The following CA10 variants were observed in gnomAD, a reference collection of about 807,000 sequenced individuals.
CA10 encodes carbonic anhydrase-related protein 10.
CA10 carries 14 observed loss-of-function variants against 44.2 expected under a neutral mutation model. The ratio of observed to expected loss-of-function variants is 0.32; its 90% CI spans 0.21 to 0.50. The LOEUF (loss-of-function observed/expected upper bound fraction) is 0.50. CA10 is among the 20% of genes least tolerant of loss of function. CA10 has a pLI of 0.99. For synonymous variants in CA10, 159 were observed against 141.6 expected, an observed-to-expected ratio of 1.12 and a Z score of -0.87; for missense variants, 350 against 409.7, an observed-to-expected ratio of 0.85 and a Z score of 1.26.
intron 6 of CA10, among the ~76,000 whole-genome samples, chr17:51,638,558 G>GGTTA (rs1297694473): frequency 6.6e-6 from 1 of 152,212 alleles, no homozygotes; most frequent in Non-Finnish European, 1.5e-5. Context: ...GGACCTTGGG[G>GGTTA]GTTACATCAG....
At chr17:51,679,037 G>T (rs1331600901) in intron 4 of CA10, among the ~76,000 whole-genome samples, 1 of 152,108 alleles carries the variant, frequency 6.6e-6, no homozygotes, top group Admixed American at 6.5e-5. Flanking sequence ...TTTCTTATTT[G>T]TATGCTACAG....
chr17:51,942,852 T>C (rs985912798), intron 2 of CA10, among the ~76,000 whole-genome samples: 1 of 152,070 alleles, frequency 6.6e-6, no homozygotes, highest in African/African-American at 2.4e-5. Context: ...AGTTCTGATT[T>C]GATGCTACCA....
intron 1 of CA10, among the ~76,000 whole-genome samples, chr17:52,138,150 T>G (rs1989399925): frequency 1.3e-5 from 2 of 152,190 alleles, no homozygotes; most frequent in South Asian, 4.1e-4. Flanking sequence ...CTTTTCCAGC[T>G]ACTGGGGATC....
intron 3 of CA10, among the ~76,000 whole-genome samples, chr17:51,801,907 C>G (rs1330076196): frequency 6.6e-6 from 1 of 152,150 alleles, no homozygotes; most frequent in Non-Finnish European, 1.5e-5. Flanking sequence ...AATTTCATTA[C>G]CGAAGACACT....
At chr17:51,913,108 A>G (rs1981854195) in intron 3 of CA10, among the ~76,000 whole-genome samples, 1 of 152,154 alleles carries the variant, frequency 6.6e-6, no homozygotes, top group Non-Finnish European at 1.5e-5. Context: ...GGCTAGTGGG[A>G]GGAATTTCTT....
At chr17:52,059,131 TAG>T (rs1213038891) in intron 2 of CA10, among the ~76,000 whole-genome samples, 2 of 152,140 alleles carry the variant, frequency 1.3e-5, no homozygotes, top group Admixed American at 6.6e-5. Context: ...ATCAGAAATC[TAG>T]AGAGAGAGAC....
At chr17:51,661,870 A>C (rs1446109764) in intron 4 of CA10, 1 of 152,236 alleles carries the variant, frequency 6.6e-6, no homozygotes, top group Non-Finnish European at 1.5e-5. Flanking sequence ...GATAGTAAAT[A>C]TATTTTTCTA....
chr17:51,656,248 G>C (rs1319524930), intron 4 of CA10, among the ~76,000 whole-genome samples: 2 of 152,208 alleles, frequency 1.3e-5, no homozygotes, highest in Non-Finnish European at 2.9e-5. Context: ...ATCCAGTGGA[G>C]TGATCCTTCT....
At chr17:51,738,885 G>A (rs183170310) in intron 4 of CA10, among the ~76,000 whole-genome samples, 1 of 152,298 alleles carries the variant, frequency 6.6e-6, no homozygotes, top group African/African-American at 2.4e-5. Flanking sequence ...TTAAGAGTCA[G>A]GAAACTTGGG....
intron 2 of CA10, among the ~76,000 whole-genome samples, chr17:52,031,492 T>A (rs1478394052): frequency 6.6e-6 from 1 of 152,160 alleles, no homozygotes; most frequent in Non-Finnish European, 1.5e-5. Context: ...ACACATTTAC[T>A]TAACTGCACC....
chr17:51,935,186 G>T lies in CA10; in HGVS notation c.137-4054C>A, dbSNP rs28414782. On this transcript the variant is annotated intron_variant, in intron 2 of 8. Coordinates refer to ENST00000451037, the MANE Select transcript of CA10 (RefSeq NM_020178.5). ...GTGTCACCTTTTGGAGCAAAAGTGG[G>T]TTATATAATGCTGTGGCAGGCACTG... 4.7e-3 allele frequency among the ~76,000 whole-genome samples: 723 copies of T among 152,226 alleles called. 3 individuals are homozygous for T. The highest frequency in any genetic ancestry group is 0.016 in the African/African-American group (674 of 41,542).
intron 3 of CA10, among the ~76,000 whole-genome samples, chr17:51,885,996 C>G (rs1980582017): frequency 6.6e-6 from 1 of 152,140 alleles, no homozygotes; most frequent in African/African-American, 2.4e-5. Flanking sequence ...TAAACAAAAG[C>G]CTTCGAGAAA....
chr17:52,124,776 T>A (rs1179269997), intron 1 of CA10, among the ~76,000 whole-genome samples: 1 of 152,164 alleles, frequency 6.6e-6, no homozygotes, highest in Non-Finnish European at 1.5e-5. Context: ...CAACTCATCC[T>A]TCTAGAACCT....
At chr17:51,888,841 TTTA>T (rs960437520) in intron 3 of CA10, among the ~76,000 whole-genome samples, 2 of 151,614 alleles carry the variant, frequency 1.3e-5, no homozygotes, top group African/African-American at 4.9e-5. Flanking sequence ...AAAATAGTTA[TTTA>T]TTATTATAAC....
intron 3 of CA10, among the ~76,000 whole-genome samples, chr17:51,848,850 C>G (rs544479327): frequency 1.9e-4 from 29 of 152,096 alleles, no homozygotes; most frequent in Non-Finnish European, 3.5e-4. Context: ...AGTTCTTGAC[C>G]AGCCAGGGCA....
At chr17:51,820,249 A>C (rs182491590) in intron 3 of CA10, among the ~76,000 whole-genome samples, 1 of 128,854 alleles carries the variant, frequency 7.8e-6, no homozygotes, top group East Asian at 2.4e-4. Context: ...TTGCACCTAC[A>C]CAATTTCCCA....
chr17:51,766,749 G>T lies in CA10; in HGVS notation c.280-18931C>A, dbSNP rs2143648181. Among the ~76,000 whole-genome samples, 3 of 152,256 alleles carry T rather than the reference G, an allele frequency of 2.0e-5. No homozygotes were observed. The East Asian group carries it at 5.8e-4, about 29-fold the overall frequency. On this transcript the variant is annotated intron_variant, in intron 3 of 8. Coordinates refer to ENST00000451037, the MANE Select transcript of CA10 (RefSeq NM_020178.5). ...CTTATCTAAAATGGACTTTAGTCAG[G>T]AAAGTAAGGTTGCTGTTAACTCAAG... is the stretch of plus-strand genomic sequence containing the variant.
chr17:52,052,346 C>T (rs1442571734), intron 2 of CA10, among the ~76,000 whole-genome samples: 1 of 149,196 alleles, frequency 6.7e-6, no homozygotes, highest in Admixed American at 6.7e-5. Context: ...TGATGAGTAG[C>T]CATTGACTTT....
chr17:52,078,020 ACAGG>A (rs1987861914), intron 1 of CA10, among the ~76,000 whole-genome samples: 1 of 152,240 alleles, frequency 6.6e-6, no homozygotes, highest in Non-Finnish European at 1.5e-5. Context: ...GACCACAAAT[ACAGG>A]CATCACACCA....
Sources: gnomAD v4.1 joint callset for allele counts (sites outside exome capture counted in the v4.1 genomes callset) on GRCh38, gnomAD v4.1.1 for gene constraint, MANE v1.5 for transcripts, NCBI Gene and HGNC (gene_info 2026-07-23, HGNC 2026-07-21) for gene names.